Variants in FNDC3A observed in about 807,000 individuals in gnomAD.
FNDC3A encodes fibronectin type III domain containing 3A.
Under a neutral mutation model 148.9 loss-of-function variants are expected in FNDC3A, and 32 were observed. The observed-to-expected ratio is 0.21, with a 90% CI of 0.16 to 0.29. FNDC3A has a LOEUF of 0.29. Among genes scored for constraint, FNDC3A ranks in the 10% least tolerant of loss-of-function variants. The pLI, the probability that FNDC3A is intolerant of heterozygous loss-of-function variation, is 1.00. For synonymous variants in FNDC3A, 472 were observed against 473.6 expected (o/e 1.00, Z 0.04); for missense variants, 1,191 against 1,452.8 (o/e 0.82, Z 2.93).
At chr13:48,979,311 T>C (rs1053622126) in intron 1 of FNDC3A, among the ~76,000 whole-genome samples, 2 of 152,078 alleles carry the variant, frequency 1.3e-5, no homozygotes, top group East Asian at 3.8e-4. Flanking sequence ...AATTATAATA[T>C]GGTATTATTA....
rs779946795 is a variant in FNDC3A at position 49,006,169 on chromosome 13, G to A, written c.-22G>A. 1.5e-6 allele frequency: 2 copies of A among 1,323,510 alleles called. No homozygotes were observed. The highest frequency in any genetic ancestry group is 2.3e-5 in the East Asian group (1 of 42,984). 82.0% of individuals were successfully genotyped at this position (1,323,510 alleles called of 1,614,324 possible). On this transcript the variant is annotated 5_prime_UTR_variant, in exon 2 of 26. Transcript: ENST00000492622. ...TTTTTCAGAATTGGAGCGTTATTCA[G>A]TATATTAATGTCTTATTGATAATGG...
At chr13:49,038,947 C>T (rs776610629) in intron 2 of FNDC3A, among the ~76,000 whole-genome samples, 1 of 152,040 alleles carries the variant, frequency 6.6e-6, no homozygotes, top group African/African-American at 2.4e-5. Context: ...AATACAGATT[C>T]TTCACCCTCC....
intron 3 of FNDC3A, among the ~76,000 whole-genome samples, chr13:49,100,900 G>C (rs895528610): frequency 6.6e-6 from 1 of 152,086 alleles, no homozygotes; most frequent in African/African-American, 2.4e-5. Context: ...GCCTTAGACT[G>C]ATCCTCACAT....
intron 3 of FNDC3A, among the ~76,000 whole-genome samples, chr13:49,102,287 G>A (rs150131754): frequency 0.012 from 1,882 of 152,142 alleles, 26 homozygotes; most frequent in African/African-American, 0.034. Flanking sequence ...TTTGGAATGG[G>A]TTGAGCTACT....
chr13:49,008,419 C>A (rs1237386883), intron 2 of FNDC3A, among the ~76,000 whole-genome samples: 1 of 151,620 alleles, frequency 6.6e-6, no homozygotes, highest in East Asian at 1.9e-4. Context: ...TTGGTTGATG[C>A]CTGTTTAACC....
At chr13:48,984,114 A>G (rs1566173261) in intron 1 of FNDC3A, among the ~76,000 whole-genome samples, 2 of 152,242 alleles carry the variant, frequency 1.3e-5, no homozygotes, top group Admixed American at 1.3e-4. Flanking sequence ...AGTAATAAGA[A>G]GTAGCAGCCT....
intron 2 of FNDC3A, among the ~76,000 whole-genome samples, chr13:49,016,549 C>T (rs1372102343): frequency 6.6e-6 from 1 of 152,100 alleles, no homozygotes; most frequent in Non-Finnish European, 1.5e-5. Context: ...TTTCAAAAAA[C>T]CAGCTCCTGG....
intron 4 of FNDC3A, among the ~76,000 whole-genome samples, chr13:49,125,588 A>G (rs902114154): frequency 2.0e-5 from 3 of 152,196 alleles, no homozygotes; most frequent in Non-Finnish European, 4.4e-5. Context: ...TAATAGCTTC[A>G]TGGTGTAAAG....
At chr13:49,086,182 T>G (rs1308279156) in intron 3 of FNDC3A, among the ~76,000 whole-genome samples, 1 of 152,204 alleles carries the variant, frequency 6.6e-6, no homozygotes, top group African/African-American at 2.4e-5. Context: ...GCACCCAGCC[T>G]CTCCCATCTA....
chr13:49,096,801 A>G (rs1879553128), intron 3 of FNDC3A, among the ~76,000 whole-genome samples: 1 of 152,118 alleles, frequency 6.6e-6, no homozygotes. Flanking sequence ...GCTATGATGG[A>G]GTTTATGTGG....
At chr13:49,130,422 A>C (rs1312984214) in intron 4 of FNDC3A, among the ~76,000 whole-genome samples, 2 of 152,118 alleles carry the variant, frequency 1.3e-5, no homozygotes, top group Non-Finnish European at 2.9e-5. Context: ...GTCTGGATCC[A>C]GTTGTTTTGT....
At chr13:49,108,675 TAAG>T (rs1303977733) in intron 3 of FNDC3A, among the ~76,000 whole-genome samples, 3 of 152,110 alleles carry the variant, frequency 2.0e-5, no homozygotes, top group South Asian at 2.1e-4. Flanking sequence ...TGAGCCAAAA[TAAG>T]AAGGTGGGCT....
At chr13:48,987,222 C>T (rs553069599) in intron 1 of FNDC3A, among the ~76,000 whole-genome samples, 1 of 152,214 alleles carries the variant, frequency 6.6e-6, no homozygotes, top group Non-Finnish European at 1.5e-5. Context: ...AGCCTATGTG[C>T]TCCAAAGACA....
At chr13:49,175,589 C>T (rs1884988708) in intron 13 of FNDC3A, 48 bp downstream of exon 13, 1 of 1,334,856 alleles carries the variant, frequency 7.5e-7, no homozygotes, top group Admixed American at 2.2e-5. Flanking sequence ...ACATTTTCAG[C>T]TTAAGGAGAT....
chr13:49,144,004 A>ACTACTG (rs1160476360), intron 7 of FNDC3A, among the ~76,000 whole-genome samples: 2 of 149,756 alleles, frequency 1.3e-5, no homozygotes, highest in Non-Finnish European at 3.0e-5. Context: ...TACTACTACT[A>ACTACTG]CTACTACTGC....
At chr13:48,976,430 G>C (rs1421257439) in intron 1 of FNDC3A, among the ~76,000 whole-genome samples, 1 of 152,342 alleles carries the variant, frequency 6.6e-6, no homozygotes, top group Admixed American at 6.5e-5. Flanking sequence ...GCCGAGCCTA[G>C]CCAGGACACG....
chr13:49,042,529 A>C (rs1356811579), intron 2 of FNDC3A, among the ~76,000 whole-genome samples: 2 of 152,216 alleles, frequency 1.3e-5, no homozygotes, highest in Non-Finnish European at 2.9e-5. Flanking sequence ...TAATGCCAGC[A>C]CTTTGGGAGG....
intron 2 of FNDC3A, among the ~76,000 whole-genome samples, chr13:49,068,190 G>A (rs1209908526): frequency 7.7e-6 from 1 of 130,158 alleles, no homozygotes; most frequent in Non-Finnish European, 1.7e-5. Flanking sequence ...AAAAAAAAGT[G>A]TGTAAGTGTG....
At chr13:49,183,004 A>G (rs1885384767) in intron 14 of FNDC3A, among the ~76,000 whole-genome samples, 1 of 152,098 alleles carries the variant, frequency 6.6e-6, no homozygotes, top group Admixed American at 6.5e-5. Flanking sequence ...ACCTAGATTA[A>G]TCTTTCTGAA....
Sources: allele counts gnomAD v4.1 joint callset (sites outside exome capture counted in the v4.1 genomes callset), GRCh38; gene constraint gnomAD v4.1.1; transcripts MANE v1.5; gene names NCBI Gene and HGNC (gene_info 2026-07-23, HGNC 2026-07-21).